Variants in UBE2E2 observed in about 807,000 individuals in gnomAD.
UBE2E2 encodes ubiquitin-conjugating enzyme E2 E2.
In UBE2E2, 6 loss-of-function variants were observed where a neutral mutation model predicts 24.7. That is an observed-to-expected ratio of 0.24 (90% CI 0.13 to 0.48). The LOEUF (loss-of-function observed/expected upper bound fraction) is 0.48. Among genes scored for constraint, UBE2E2 ranks in the 20% least tolerant of loss-of-function variants. The pLI, the probability that UBE2E2 is intolerant of heterozygous loss-of-function variation, is 0.99. For missense variants in UBE2E2, 169 were observed against 245.0 expected (o/e 0.69, Z 2.07); for synonymous variants, 104 against 83.6 (o/e 1.24, Z -1.33).
intron 3 of UBE2E2, among the ~76,000 whole-genome samples, chr3:23,489,832 A>G (rs964832376): frequency 8.5e-5 from 13 of 152,100 alleles, no homozygotes; most frequent in Admixed American, 6.5e-5. Flanking sequence ...CTGACCCTTA[A>G]TATTATCGCC....
At chr3:23,219,687 A>T (rs1696571867) in intron 3 of UBE2E2, among the ~76,000 whole-genome samples, 1 of 151,978 alleles carries the variant, frequency 6.6e-6, no homozygotes, top group Non-Finnish European at 1.5e-5. Flanking sequence ...GCATCCCCTT[A>T]CTCTGCTCCC....
rs142152995 is a variant in UBE2E2, at chr3:23,513,659, A to C, written c.360+13919A>C. Reference sequence around the variant, plus strand: ...GATTGCCCTCCAAAGAAGCTATACAAAGTTATACTCCCAACTTAGGCACAC... The same window carrying C: ...GATTGCCCTCCAAAGAAGCTATACACAGTTATACTCCCAACTTAGGCACAC... On this transcript the variant is annotated intron_variant, in intron 4 of 5. Transcript: ENST00000396703. 5.8e-3 allele frequency among the ~76,000 whole-genome samples: 888 copies of C among 152,304 alleles called. 10 individuals carry two copies. Among genetic ancestry groups the C allele is most frequent in the African/African-American group, 0.021 (857 of 41,562 alleles).
intron 3 of UBE2E2, among the ~76,000 whole-genome samples, chr3:23,227,363 CAG>C: frequency 6.6e-6 from 1 of 152,276 alleles, no homozygotes; most frequent in East Asian, 1.9e-4. Context: ...TCAGCCAGCT[CAG>C]AGTCTTTTCG....
intron 3 of UBE2E2, among the ~76,000 whole-genome samples, chr3:23,350,899 C>A (rs982753731): frequency 4.6e-5 from 7 of 152,166 alleles, no homozygotes; most frequent in African/African-American, 1.7e-4. Context: ...CTCAAAGATA[C>A]TCCTCGAGAA....
At chr3:23,302,341 A>G (rs1461975723) in intron 3 of UBE2E2, among the ~76,000 whole-genome samples, 1 of 152,220 alleles carries the variant, frequency 6.6e-6, no homozygotes, top group Non-Finnish European at 1.5e-5. Flanking sequence ...AATAGTTATT[A>G]CTACAAGTTA....
intron 4 of UBE2E2, among the ~76,000 whole-genome samples, chr3:23,508,861 G>A (rs1335186091): frequency 6.6e-6 from 1 of 152,208 alleles, no homozygotes; most frequent in Non-Finnish European, 1.5e-5. Context: ...GGAGACTGAA[G>A]TGAGACATTC....
chr3:23,310,586 T>G (rs1694348382), intron 3 of UBE2E2, among the ~76,000 whole-genome samples: 1 of 152,098 alleles, frequency 6.6e-6, no homozygotes, highest in South Asian at 2.1e-4. Context: ...AGGATTCAAG[T>G]TAAAGGATAA....
chr3:23,363,076 T>A (rs575775664), intron 3 of UBE2E2, among the ~76,000 whole-genome samples: 7 of 152,278 alleles, frequency 4.6e-5, no homozygotes, highest in African/African-American at 1.7e-4. Flanking sequence ...AGAAATAAGA[T>A]CCTTTTAAGA....
chr3:23,564,222 C>T (rs1171508945), intron 5 of UBE2E2, among the ~76,000 whole-genome samples: 2 of 152,052 alleles, frequency 1.3e-5, no homozygotes, highest in African/African-American at 4.8e-5. Flanking sequence ...CCTCTCCCCA[C>T]TTCCCACCCC....
chr3:23,576,920 TG>T (rs1382578247), intron 5 of UBE2E2, among the ~76,000 whole-genome samples: 5 of 134,476 alleles, frequency 3.7e-5, no homozygotes, highest in Admixed American at 3.5e-4. Flanking sequence ...CTGTTGTTAT[TG>T]TTTTTTTTTT....
At chr3:23,438,307 G>T (rs1475809629) in intron 3 of UBE2E2, among the ~76,000 whole-genome samples, 1 of 152,204 alleles carries the variant, frequency 6.6e-6, no homozygotes, top group East Asian at 1.9e-4. Flanking sequence ...AGGCTGAAGT[G>T]AGGGGGTCCA....
At chr3:23,260,156 C>A (rs1322227824) in intron 3 of UBE2E2, among the ~76,000 whole-genome samples, 3 of 152,052 alleles carry the variant, frequency 2.0e-5, no homozygotes, top group African/African-American at 4.8e-5. Context: ...AAGGAAATTT[C>A]TAATAGTTCT....
intron 3 of UBE2E2, among the ~76,000 whole-genome samples, chr3:23,321,273 G>A (rs962377704): frequency 6.6e-6 from 1 of 152,156 alleles, no homozygotes; most frequent in Non-Finnish European, 1.5e-5. Context: ...TTTGGGAGGG[G>A]CTGGCACAAT....
At chr3:23,482,363 T>C (rs1307291718) in intron 3 of UBE2E2, among the ~76,000 whole-genome samples, 3 of 152,160 alleles carry the variant, frequency 2.0e-5, no homozygotes, top group Non-Finnish European at 4.4e-5. Flanking sequence ...GTCTTCTGTT[T>C]GGTTGCTTAT....
At chr3:23,582,223 A>G (rs567546433) in intron 5 of UBE2E2, among the ~76,000 whole-genome samples, 3 of 152,324 alleles carry the variant, frequency 2.0e-5, no homozygotes, top group Non-Finnish European at 4.4e-5. Flanking sequence ...GCTGCAAAGG[A>G]CATGATCTCA....
At chr3:23,308,005 G>C (rs4858496) in intron 3 of UBE2E2, among the ~76,000 whole-genome samples, 54,627 of 151,942 alleles carry the variant, frequency 0.36, 10,186 homozygotes, top group Admixed American at 0.52. Flanking sequence ...TAGGGAAACA[G>C]GTTTCAAGAA....
intron 1 of UBE2E2, among the ~76,000 whole-genome samples, chr3:23,207,764 C>T (rs957740143): frequency 3.9e-5 from 6 of 152,212 alleles, no homozygotes; most frequent in Admixed American, 3.3e-4. Context: ...GGGCTTAGCA[C>T]AGCGCCTGGT....
chr3:23,576,097 A>G (rs1177685537), intron 5 of UBE2E2, among the ~76,000 whole-genome samples: 1 of 152,204 alleles, frequency 6.6e-6, no homozygotes, highest in African/African-American at 2.4e-5. Context: ...AAGAGAAGGT[A>G]GTATTTTTTT....
chr3:23,341,613 T>C (rs1406915501), intron 3 of UBE2E2, among the ~76,000 whole-genome samples: 2 of 152,290 alleles, frequency 1.3e-5, no homozygotes, highest in East Asian at 3.9e-4. Context: ...AAGGTAGCAT[T>C]TTAAAACTGT....
Sources: allele counts gnomAD v4.1 joint callset (sites outside exome capture counted in the v4.1 genomes callset), GRCh38; gene constraint gnomAD v4.1.1; transcripts MANE v1.5; gene names NCBI Gene and HGNC (gene_info 2026-07-23, HGNC 2026-07-21).